Variants in KCNK9 observed in about 807,000 individuals in gnomAD.
KCNK9 encodes potassium channel subfamily K member 9.
In KCNK9, 1 loss-of-function variant was observed where a neutral mutation model predicts 10.8. That is an observed-to-expected ratio of 0.09 (90% CI 0.03 to 0.44). The LOEUF (loss-of-function observed/expected upper bound fraction) is 0.44. KCNK9 is among the 20% of genes least tolerant of loss of function. The pLI, the probability that KCNK9 is intolerant of heterozygous loss-of-function variation, is 0.97. For missense variants in KCNK9, 303 were observed against 515.0 expected, an observed-to-expected ratio of 0.59 and a Z score of 3.98; for synonymous variants, 231 against 222.7, an observed-to-expected ratio of 1.04 and a Z score of -0.33.
At chr8:139,696,059 T>C in intron 1 of KCNK9, among the ~76,000 whole-genome samples, 1 of 152,134 alleles carries the variant, frequency 6.6e-6, no homozygotes, top group South Asian at 2.1e-4. Context: ...CTCAGGTGAC[T>C]ACTATAGAGA....
intron 1 of KCNK9, among the ~76,000 whole-genome samples, chr8:139,639,419 A>T (rs893003702): frequency 6.6e-6 from 1 of 152,140 alleles, no homozygotes; most frequent in Non-Finnish European, 1.5e-5. Flanking sequence ...TCTGGCGGGG[A>T]GTAGTGACCA....
Position 139,618,018 on chromosome 8 carries a change from C to G in KCNK9, c.*240G>C, listed in dbSNP as rs1057514314. The stretch of plus-strand genomic sequence containing the variant: ...TCTGCTGGGAAGGAAGGAGGAGATC[C>G]ATGCTTCATGCTCAGATGTGAGTTT... On this transcript the variant is annotated 3_prime_UTR_variant, in exon 2 of 2. Transcript: ENST00000520439. This position sits in a 1 kb window ranked among gnomAD's most constrained non-coding sequence, Gnocchi z 7.9. 3 of 536,348 alleles carry G rather than the reference C, an allele frequency of 5.6e-6. No individual in the cohort carries two copies. Among genetic ancestry groups the G allele is most frequent in the Non-Finnish European group, 9.9e-6 (3 of 303,626 alleles). 33.2% of individuals were successfully genotyped at this position (536,348 alleles called of 1,614,324 possible). A position where few individuals can be genotyped will look rare whatever the true frequency, so the allele number is the denominator to read the frequency against.
At chr8:139,700,343 G>A (rs1049781535) in intron 1 of KCNK9, among the ~76,000 whole-genome samples, 1 of 152,182 alleles carries the variant, frequency 6.6e-6, no homozygotes, top group Non-Finnish European at 1.5e-5. Flanking sequence ...CTGAGGTCAG[G>A]AGTTGGGAAA....
chr8:139,668,691 G>C (rs1328424139), intron 1 of KCNK9, among the ~76,000 whole-genome samples: 4 of 152,198 alleles, frequency 2.6e-5, no homozygotes, highest in Non-Finnish European at 5.9e-5. Flanking sequence ...CAAAGTGCTG[G>C]GATTACAGGC....
intron 1 of KCNK9, among the ~76,000 whole-genome samples, chr8:139,632,530 G>T (rs1489037209): frequency 6.6e-6 from 1 of 152,152 alleles, no homozygotes; most frequent in East Asian, 1.9e-4. Context: ...GGGCCACAGA[G>T]TCCCTCGCAA....
intron 1 of KCNK9, among the ~76,000 whole-genome samples, chr8:139,655,706 T>A (rs1816003850): frequency 6.6e-6 from 1 of 152,070 alleles, no homozygotes. Context: ...TGTGGCCAAC[T>A]CCAAACTGGG....
At chr8:139,609,728 T>G (rs914340140), downstream of KCNK9, among the ~76,000 whole-genome samples, 2 of 152,078 alleles carry the variant, frequency 1.3e-5, no homozygotes, top group African/African-American at 4.8e-5. Context: ...TAATTAAGGA[T>G]CCATATGTCA....
chr8:139,622,717 T>G (rs558008258), intron 1 of KCNK9, among the ~76,000 whole-genome samples: 1 of 152,310 alleles, frequency 6.6e-6, no homozygotes, highest in Admixed American at 6.5e-5. Flanking sequence ...TTACACTATC[T>G]GTTTTCCCCT....
intron 1 of KCNK9, among the ~76,000 whole-genome samples, chr8:139,636,018 G>A (rs540054582): frequency 1.9e-3 from 296 of 152,220 alleles, no homozygotes; most frequent in Non-Finnish European, 3.1e-3. Flanking sequence ...TTAGACCCCC[G>A]TTTATGTTTT....
At chr8:139,628,396 G>A (rs953511496) in intron 1 of KCNK9, among the ~76,000 whole-genome samples, 3 of 152,220 alleles carry the variant, frequency 2.0e-5, no homozygotes, top group South Asian at 4.1e-4. Context: ...AAACACGGTC[G>A]TTCTGGGTAA....
chr8:139,639,420 G>T (rs1049390976), intron 1 of KCNK9, among the ~76,000 whole-genome samples: 1 of 152,222 alleles, frequency 6.6e-6, no homozygotes, highest in African/African-American at 2.4e-5. Flanking sequence ...CTGGCGGGGA[G>T]TAGTGACCAA....
chr8:139,657,946 C>G (rs1453861478), intron 1 of KCNK9, among the ~76,000 whole-genome samples: 1 of 152,152 alleles, frequency 6.6e-6, no homozygotes, highest in African/African-American at 2.4e-5. Flanking sequence ...AGGTCTCCCC[C>G]ACAGGACAGG....
At position 139,617,151 on chromosome 8, in the gene KCNK9, G is replaced by A. The variant is rs1814622944; in HGVS notation, c.*1107C>T. The A allele has an allele frequency of 6.6e-6, 1 of 152,108 alleles. No homozygotes were observed. Among genetic ancestry groups the A allele is most frequent in the Non-Finnish European group, 1.5e-5 (1 of 68,016 alleles). 9.4% of individuals were successfully genotyped at this position (152,108 alleles called of 1,614,324 possible). ...TGAAATAGATATGTATTTTTAATGA[G>A]GAATGCCCTGTCAATTTTCATGAGG... On this transcript the variant is annotated 3_prime_UTR_variant, in exon 2 of 2. Transcript: ENST00000520439.
At chr8:139,695,678 C>T (rs78209928) in intron 1 of KCNK9, among the ~76,000 whole-genome samples, 2,589 of 152,256 alleles carry the variant, frequency 0.017, 32 homozygotes, top group Middle Eastern at 0.027. Context: ...GAAGGACCCT[C>T]CTCCAATTCT....
intron 1 of KCNK9, among the ~76,000 whole-genome samples, chr8:139,647,229 G>C (rs553833737): frequency 9.8e-5 from 15 of 152,338 alleles, no homozygotes; most frequent in African/African-American, 4.8e-5. Flanking sequence ...GGGTAGAGAA[G>C]CTCTGAAGGT....
chr8:139,655,663 C>T (rs2129687750), intron 1 of KCNK9, among the ~76,000 whole-genome samples: 2 of 152,296 alleles, frequency 1.3e-5, no homozygotes, highest in Admixed American at 1.3e-4. Flanking sequence ...GGCAGTAACC[C>T]CTTAAGGTCG....
At position 139,693,146 on chromosome 8, in the gene KCNK9, C is replaced by T. The variant is rs1375361132; in HGVS notation, c.283+9564G>A. The stretch of plus-strand genomic sequence containing the variant: ...CGTGCCTGTCAGCTGCAGGTAAAGG[C>T]CTCTCACCTTCCTGAGTGGGCTGCA... On this transcript the variant is annotated intron_variant, in intron 1 of 1. Transcript: ENST00000520439. This position sits in a 1 kb window ranked among gnomAD's most constrained non-coding sequence, Gnocchi z 4.1. Among the ~76,000 whole-genome samples the T allele has an allele frequency of 6.6e-6, 1 of 152,186 alleles. No homozygotes were observed. Among genetic ancestry groups the T allele is most frequent in the Admixed American group, 6.5e-5 (1 of 15,276 alleles).
chr8:139,629,064 T>C (rs1398083489), intron 1 of KCNK9, among the ~76,000 whole-genome samples: 1 of 152,208 alleles, frequency 6.6e-6, no homozygotes, highest in Admixed American at 6.5e-5. Flanking sequence ...TCACCTCCCA[T>C]GGGCCCCAGT....
At chr8:139,622,973 A>G (rs1191562089) in intron 1 of KCNK9, among the ~76,000 whole-genome samples, 1 of 152,204 alleles carries the variant, frequency 6.6e-6, no homozygotes, top group Non-Finnish European at 1.5e-5. Flanking sequence ...ATATAACTAC[A>G]GCGCACCCAT....
Sources: allele counts gnomAD v4.1 joint callset (sites outside exome capture counted in the v4.1 genomes callset), GRCh38; gene constraint gnomAD v4.1.1; non-coding constraint Gnocchi (gnomAD v3.1); transcripts MANE v1.5; gene names NCBI Gene and HGNC (gene_info 2026-07-23, HGNC 2026-07-21).